Variants in RFX4 observed in about 807,000 individuals in gnomAD.
RFX4 encodes the protein transcription factor RFX4.
A neutral mutation model predicts 95.0 loss-of-function variants in RFX4; 10 were observed. The ratio of observed to expected loss-of-function variants is 0.11; its 90% CI spans 0.06 to 0.18. The LOEUF (loss-of-function observed/expected upper bound fraction) is 0.18. Ranked by LOEUF, RFX4 falls within the 10% of genes least tolerant of loss-of-function variation. RFX4 has a pLI of 1.00. For missense variants in RFX4, 640 were observed against 922.0 expected (o/e 0.69, Z 3.96); for synonymous variants, 321 against 340.7 (o/e 0.94, Z 0.64).
At chr12:106,621,760 T>C (rs1454238828) in intron 2 of RFX4, among the ~76,000 whole-genome samples, 3 of 152,210 alleles carry the variant, frequency 2.0e-5, no homozygotes, top group African/African-American at 7.2e-5. Flanking sequence ...GACTATACTC[T>C]TTGCTTGGGT....
chr12:106,693,537 T>C (rs554729499), intron 7 of RFX4, among the ~76,000 whole-genome samples: 12 of 152,330 alleles, frequency 7.9e-5, no homozygotes, highest in African/African-American at 2.9e-4. Flanking sequence ...TGGGCAGAGC[T>C]TCTTACTCAG....
chr12:106,655,506 G>T (rs919877684), intron 4 of RFX4, among the ~76,000 whole-genome samples: 1 of 152,188 alleles, frequency 6.6e-6, no homozygotes, highest in East Asian at 1.9e-4. Context: ...TGCTATGGAG[G>T]TGCCCCTCAG....
rs1239999077 is a variant in RFX4, at chr12:106,747,455, C to T, written c.1652C>T (p.Thr551Met). Residue 551 changes from threonine to methionine, a missense_variant, in exon 16 of 18, where the codon ACG becomes ATG. Transcript: ENST00000392842. ...LSTTGAMQSY[T>M]WSLTYTVTTA... is the part of the protein sequence containing the mutation. ...TCTGCAGGAGCAATGCAGTCTTACACGTGGTCTCTAACATACACAGTGACG... is the reference window on the plus strand; with the variant it reads ...TCTGCAGGAGCAATGCAGTCTTACATGTGGTCTCTAACATACACAGTGACG... The T allele has an allele frequency of 2.4e-5, 38 of 1,614,010 alleles. No individual in the cohort carries two copies. Among genetic ancestry groups the T allele is most frequent in the Non-Finnish European group, 3.0e-5 (35 of 1,179,994 alleles).
At chr12:106,711,033 G>C (rs981250968) in intron 9 of RFX4, among the ~76,000 whole-genome samples, 1 of 152,160 alleles carries the variant, frequency 6.6e-6, no homozygotes, top group Non-Finnish European at 1.5e-5. Context: ...GCTCAATCAA[G>C]GTTTACTATT....
intron 2 of RFX4, among the ~76,000 whole-genome samples, chr12:106,627,613 C>T (rs1030093910): frequency 6.6e-6 from 1 of 152,206 alleles, no homozygotes; most frequent in African/African-American, 2.4e-5. Context: ...ATCTCTCTCT[C>T]ACTCCATTCA....
At chr12:106,677,446 T>C (rs937204367) in intron 4 of RFX4, among the ~76,000 whole-genome samples, 8 of 152,160 alleles carry the variant, frequency 5.3e-5, no homozygotes, top group South Asian at 4.2e-4. Flanking sequence ...GAGGGCCTCA[T>C]GGACCATCCT....
rs555466784 is a variant in RFX4, at chr12:106,625,664, G to C, written c.131-13668G>C. ...AGAACAGAAATTTCTGCAAAAGTTG[G>C]GCCCAGAAGATTCCCTGAGCCCCTA... On this transcript the variant is annotated intron_variant, in intron 2 of 17. Coordinates refer to ENST00000392842, the MANE Select transcript of RFX4 (RefSeq NM_213594.3). 8.5e-5 allele frequency among the ~76,000 whole-genome samples: 13 copies of C among 152,096 alleles called. No homozygotes were observed. The East Asian group carries it at 2.1e-3, about 25-fold the overall frequency.
rs149664526 is a variant in RFX4 at position 106,603,673 on chromosome 12, T to C, written c.44-5124T>C. 2.8e-3 allele frequency among the ~76,000 whole-genome samples: 423 copies of C among 152,336 alleles called. 2 individuals carry two copies. The highest frequency in any genetic ancestry group is 9.6e-3 in the African/African-American group (401 of 41,574). Reference sequence around the variant, plus strand: ...TGAGGCAATTGGGAATAGGAAGTTATCCCAGTATGAACTGAACTCTCTTTC... The same window carrying C: ...TGAGGCAATTGGGAATAGGAAGTTACCCCAGTATGAACTGAACTCTCTTTC... On this transcript the variant is annotated intron_variant, in intron 1 of 17. Transcript: ENST00000392842.
intron 1 of RFX4, chr12:106,601,093 G>A (rs1592836443): frequency 7.2e-7 from 1 of 1,387,980 alleles, no homozygotes; most frequent in Non-Finnish European, 9.4e-7. Context: ...GCAGGGCAGG[G>A]CCCCTTCCTG....
rs934755532 is a variant in RFX4 at position 106,586,894 on chromosome 12, G to C, written c.43+3531G>C. Among the ~76,000 whole-genome samples the C allele has an allele frequency of 6.6e-6, 1 of 152,214 alleles. No homozygotes were observed. The highest frequency in any genetic ancestry group is 6.5e-5 in the Admixed American group (1 of 15,288). ...CCCTGGGGAAGGAGCCACTGTCTGC[G>C]GGCTTGGGAGAGCAAGGAGCCGGAG... On this transcript the variant is annotated intron_variant, in intron 1 of 17. Transcript: ENST00000392842. The surrounding 1 kb of genome is among the most constrained non-coding windows in gnomAD (Gnocchi z 5.6).
chr12:106,648,626 G>GT (rs59743543), intron 3 of RFX4, among the ~76,000 whole-genome samples: 9,596 of 124,878 alleles, frequency 0.077, 415 homozygotes, highest in Non-Finnish European at 0.087. Context: ...ATCCTGTGGG[G>GT]TTTTTTTTTT....
intron 17 of RFX4, among the ~76,000 whole-genome samples, chr12:106,757,761 G>T (rs935164857): frequency 6.6e-6 from 1 of 152,174 alleles, no homozygotes; most frequent in African/African-American, 2.4e-5. Flanking sequence ...TTTGGTAAGG[G>T]GTCAGGAATA....
At chr12:106,637,245 G>A (rs1284774966) in intron 2 of RFX4, among the ~76,000 whole-genome samples, 3 of 152,118 alleles carry the variant, frequency 2.0e-5, no homozygotes, top group Non-Finnish European at 4.4e-5. Context: ...AAGAAGGTGG[G>A]TACATGTAGG....
intron 2 of RFX4, among the ~76,000 whole-genome samples, chr12:106,626,971 T>G (rs1235042881): frequency 6.6e-6 from 1 of 152,088 alleles, no homozygotes; most frequent in Non-Finnish European, 1.5e-5. Flanking sequence ...TGTTGTGGAA[T>G]GTATGGAATG....
In RFX4 at chr12:106,747,334, A is replaced by G. The variant is rs180979345; in HGVS notation, c.1634-103A>G. On this transcript the variant is annotated intron_variant, in intron 15 of 17. Coordinates refer to ENST00000392842, the MANE Select transcript of RFX4 (RefSeq NM_213594.3). ...AGTCAGAGATACATGTCTTATAAAG[A>G]TTTTGGCCTTCAACTTAAGAACAAA... 1,398 of 1,265,094 alleles carry G rather than the reference A, an allele frequency of 1.1e-3. 12 individuals are homozygous for G. The African/African-American group carries it at 0.018, about 16-fold the overall frequency. The allele number at this position is 1,265,094 out of a possible 1,614,324, so 78.4% of individuals were successfully genotyped here. A position where few individuals can be genotyped will look rare whatever the true frequency, so the allele number is the denominator to read the frequency against.
At chr12:106,643,049 CA>C (rs948196585) in intron 3 of RFX4, among the ~76,000 whole-genome samples, 2 of 152,150 alleles carry the variant, frequency 1.3e-5, no homozygotes, top group African/African-American at 2.4e-5. Context: ...TGGAGATGGC[CA>C]GTTAAAAATG....
chr12:106,662,268 T>C (rs1194041128), intron 4 of RFX4: 3 of 292,376 alleles, frequency 1.0e-5, no homozygotes, highest in Admixed American at 3.8e-5. Context: ...AATAGGTATG[T>C]AGTGGTATGT....
At chr12:106,612,465 A>T (rs940115571) in intron 2 of RFX4, among the ~76,000 whole-genome samples, 1 of 152,236 alleles carries the variant, frequency 6.6e-6, no homozygotes, top group Admixed American at 6.5e-5. Flanking sequence ...GTGTCCTGCA[A>T]CTTTGCTGAA....
At chr12:106,637,194 G>C (rs975212077) in intron 2 of RFX4, among the ~76,000 whole-genome samples, 1 of 152,046 alleles carries the variant, frequency 6.6e-6, no homozygotes, top group African/African-American at 2.4e-5. Flanking sequence ...CATTCTCCTT[G>C]AACACACAAT....
Sources: gnomAD v4.1 joint callset for allele counts (sites outside exome capture counted in the v4.1 genomes callset) on GRCh38, gnomAD v4.1.1 for gene constraint, Gnocchi (gnomAD v3.1) non-coding constraint, MANE v1.5 for transcripts, NCBI Gene and HGNC (gene_info 2026-07-23, HGNC 2026-07-21) for gene names.